The following NAV1 variants were observed in gnomAD, a reference collection of about 807,000 sequenced individuals.
The protein encoded by NAV1 is neuron navigator 1, also known as pore membrane and/or filament interacting like protein 3.
In NAV1, 18 loss-of-function variants were observed where a neutral mutation model predicts 175.2. That is an observed-to-expected ratio of 0.10 (90% CI 0.07 to 0.15). NAV1 has a LOEUF of 0.15. NAV1 is among the 10% of genes least tolerant of loss of function. The probability of loss-of-function intolerance (pLI) is 1.00; values close to 1 mark genes in which losing one functional copy is unlikely to be tolerated. For synonymous variants in NAV1, 897 were observed against 978.7 expected, an observed-to-expected ratio of 0.92 and a Z score of 1.56; for missense variants, 1,731 against 2,436.6, an observed-to-expected ratio of 0.71 and a Z score of 6.10.
chr1:201,727,697 G>C (rs1672668796), intron 3 of NAV1, among the ~76,000 whole-genome samples: 1 of 152,350 alleles, frequency 6.6e-6, no homozygotes, highest in Middle Eastern at 3.4e-3. Flanking sequence ...TTAGGGGAGA[G>C]AAGGAAGCCA....
exon 25 of NAV1, chr1:201,811,720 T>C (rs1283880355): frequency 1.9e-6 from 3 of 1,610,736 alleles, no homozygotes; most frequent in Middle Eastern, 1.7e-4. Flanking sequence ...CATCAGTGAG[T>C]TGGTCAATGG....
intron 1 of NAV1, among the ~76,000 whole-genome samples, chr1:201,588,048 C>T (rs1277299766): frequency 6.6e-6 from 1 of 152,160 alleles, no homozygotes; most frequent in Non-Finnish European, 1.5e-5. Context: ...TACACTTGAG[C>T]CAGCAATTCC....
intron 1 of NAV1, among the ~76,000 whole-genome samples, chr1:201,564,181 G>A (rs1041462840): frequency 6.6e-6 from 1 of 152,014 alleles, no homozygotes; most frequent in African/African-American, 2.4e-5. Context: ...CAGGCAGGCA[G>A]GCATCCTCGG....
Position 201,687,502 on chromosome 1 carries a change from C to T in NAV1, c.758-25315C>T, listed in dbSNP as rs187112015. 1.4e-3 allele frequency among the ~76,000 whole-genome samples: 212 copies of T among 152,232 alleles called. 2 individuals are homozygous for T. Among genetic ancestry groups the T allele is most frequent in the African/African-American group, 5.0e-3 (209 of 41,552 alleles). ...ATAACAACTATGATATGAGTGCCTG[C>T]CAGATACTAGGCACTGTGCTAGCAC... On this transcript the variant is annotated intron_variant, in intron 1 of 29. Transcript: ENST00000367296.
chr1:201,692,382 A>C (rs768064992), intron 1 of NAV1, among the ~76,000 whole-genome samples: 4 of 152,178 alleles, frequency 2.6e-5, no homozygotes, highest in Non-Finnish European at 5.9e-5. Flanking sequence ...CAGTTTATAA[A>C]TCTGGAATGG....
chr1:201,553,740 C>T (rs1665933693), intron 1 of NAV1, among the ~76,000 whole-genome samples: 1 of 152,238 alleles, frequency 6.6e-6, no homozygotes, highest in Non-Finnish European at 1.5e-5. Flanking sequence ...TGCTCTTGAA[C>T]TTCATATAAA....
At chr1:201,624,519 T>G (rs1668273130) in intron 1 of NAV1, among the ~76,000 whole-genome samples, 1 of 151,752 alleles carries the variant, frequency 6.6e-6, no homozygotes, top group African/African-American at 2.4e-5. Flanking sequence ...AATTTTTTTT[T>G]GTATTTTTAG....
chr1:201,551,881 C>T (rs942976417), intron 1 of NAV1, among the ~76,000 whole-genome samples: 4 of 152,220 alleles, frequency 2.6e-5, no homozygotes, highest in African/African-American at 4.8e-5. Context: ...AATAAGCCGG[C>T]CCCTCCCAAT....
intron 3 of NAV1, among the ~76,000 whole-genome samples, chr1:201,753,218 A>G (rs970398212): frequency 6.6e-6 from 1 of 152,164 alleles, no homozygotes; most frequent in Non-Finnish European, 1.5e-5. Context: ...AAAATGGTCT[A>G]TTTTGGAGCC....
chr1:201,821,192 T>C (rs1558203615), exon 30 of NAV1: 2 of 152,618 alleles, frequency 1.3e-5, no homozygotes, highest in African/African-American at 4.8e-5. Context: ...CATTCCTCTG[T>C]CTTGTGGCCA....
At chr1:201,603,301 C>T (rs1667575544) in intron 2 of NAV1, among the ~76,000 whole-genome samples, 1 of 152,164 alleles carries the variant, frequency 6.6e-6, no homozygotes, top group Admixed American at 6.5e-5. Flanking sequence ...TCAATCCTGC[C>T]ACCTTAAGTA....
intron 1 of NAV1, among the ~76,000 whole-genome samples, chr1:201,557,961 C>T (rs1294486328): frequency 6.6e-6 from 1 of 152,030 alleles, no homozygotes; most frequent in Non-Finnish European, 1.5e-5. Context: ...AAGGAGGAGG[C>T]CTGGACTCCA....
intron 22 of NAV1, 56 bp downstream of exon 26, chr1:201,809,593 CT>C: frequency 3.9e-6 from 6 of 1,522,454 alleles, no homozygotes; most frequent in Non-Finnish European, 5.4e-6. Context: ...AATATATATA[CT>C]TTTTTAGAGA....
At chr1:201,575,187 G>T (rs917413040) in intron 1 of NAV1, among the ~76,000 whole-genome samples, 1 of 152,190 alleles carries the variant, frequency 6.6e-6, no homozygotes, top group African/African-American at 2.4e-5. Context: ...CTTTTCCTGG[G>T]AATTAGTTTG....
At chr1:201,634,955 G>C (rs760209324) in intron 2 of NAV1, among the ~76,000 whole-genome samples, 1 of 152,130 alleles carries the variant, frequency 6.6e-6, no homozygotes, top group African/African-American at 2.4e-5. Context: ...CCTGTTTCTC[G>C]CTGCACCAAG....
At chr1:201,753,013 G>A (rs868146397) in intron 3 of NAV1, among the ~76,000 whole-genome samples, 8 of 152,154 alleles carry the variant, frequency 5.3e-5, no homozygotes, top group East Asian at 3.9e-4. Flanking sequence ...TGGGGGGAAC[G>A]AGGGGCTCAA....
chr1:201,780,346 G>A, intron 3 of NAV1, 75 bp from the exon 8 acceptor site: 1 of 1,571,814 alleles, frequency 6.4e-7, no homozygotes, highest in Admixed American at 1.7e-5. Context: ...AGCCATTCTT[G>A]CATCAATGTG....
At chr1:201,623,787 TG>T (rs1206529622) in intron 1 of NAV1, among the ~76,000 whole-genome samples, 181 bp downstream of exon 3, 2 of 152,142 alleles carry the variant, frequency 1.3e-5, no homozygotes, top group African/African-American at 4.8e-5. Context: ...AGAGCTGAGA[TG>T]GGATTGGGAC....
chr1:201,616,501 T>C (rs541574246), intron 2 of NAV1, among the ~76,000 whole-genome samples: 151 of 152,154 alleles, frequency 9.9e-4, no homozygotes, highest in South Asian at 4.2e-3. Context: ...CTTTTTTTTT[T>C]CTTGAGATGA....
Sources: allele counts gnomAD v4.1 joint callset (sites outside exome capture counted in the v4.1 genomes callset), GRCh38; gene constraint gnomAD v4.1.1; transcripts MANE v1.5; gene names NCBI Gene and HGNC (gene_info 2026-07-23, HGNC 2026-07-21).